WDR7: variants seen among roughly 807,000 people sequenced by gnomAD.
WDR7 encodes WD repeat domain 7, also known as WD repeat-containing protein 7.
WDR7 carries 46 observed loss-of-function variants against 169.4 expected under a neutral mutation model. The observed-to-expected ratio is 0.27, with a 90% CI of 0.21 to 0.35. WDR7 has a LOEUF of 0.35. WDR7 is among the 10% of genes least tolerant of loss of function. WDR7 has a pLI of 1.00. For synonymous variants in WDR7, 612 were observed against 666.8 expected (o/e 0.92, Z 1.27); for missense variants, 1,534 against 1,859.3 (o/e 0.83, Z 3.22).
chr18:56,880,991 T>G (rs1172158042), intron 21 of WDR7, among the ~76,000 whole-genome samples: 2 of 152,196 alleles, frequency 1.3e-5, no homozygotes, highest in Non-Finnish European at 2.9e-5. Flanking sequence ...CACAAAATAT[T>G]CTTGTAGAAC....
chr18:56,817,626 A>G (rs901719730), intron 20 of WDR7, among the ~76,000 whole-genome samples: 12 of 152,284 alleles, frequency 7.9e-5, no homozygotes, highest in African/African-American at 2.4e-4. Flanking sequence ...TTGATGAAAA[A>G]TATTATCCAA....
chr18:56,981,305 A>G (rs1020249595), intron 26 of WDR7, among the ~76,000 whole-genome samples: 1 of 152,176 alleles, frequency 6.6e-6, no homozygotes, highest in African/African-American at 2.4e-5. Context: ...AAGAAAATTA[A>G]TAGTTCAGTT....
chr18:56,996,344 A>G (rs533739186), intron 26 of WDR7, among the ~76,000 whole-genome samples: 1 of 152,274 alleles, frequency 6.6e-6, no homozygotes, highest in Non-Finnish European at 1.5e-5. Flanking sequence ...AATTATAGAG[A>G]GAAGAAATAA....
At chr18:56,935,168 A>T (rs996049620) in intron 22 of WDR7, among the ~76,000 whole-genome samples, 1 of 152,158 alleles carries the variant, frequency 6.6e-6, no homozygotes, top group African/African-American at 2.4e-5. Flanking sequence ...ATATAAACAG[A>T]ATTAGTATCA....
chr18:56,910,342 G>A (rs1279023207), intron 21 of WDR7, among the ~76,000 whole-genome samples: 1 of 152,146 alleles, frequency 6.6e-6, no homozygotes, highest in Non-Finnish European at 1.5e-5. Context: ...TAGAAGCAAT[G>A]TAAAAACTTA....
At chr18:56,796,014 G>A (rs535939760) in intron 19 of WDR7, among the ~76,000 whole-genome samples, 24 of 152,266 alleles carry the variant, frequency 1.6e-4, no homozygotes, top group African/African-American at 5.8e-4. Flanking sequence ...ATTATAATGA[G>A]TTTCTGTACT....
intron 20 of WDR7, among the ~76,000 whole-genome samples, chr18:56,848,138 A>T (rs1244655405): frequency 6.6e-6 from 1 of 152,188 alleles, no homozygotes; most frequent in Non-Finnish European, 1.5e-5. Context: ...AACCACTAGG[A>T]TGGGCCTTGC....
intron 16 of WDR7, among the ~76,000 whole-genome samples, chr18:56,761,868 A>G (rs146724847): frequency 6.6e-6 from 1 of 152,244 alleles, no homozygotes; most frequent in Non-Finnish European, 1.5e-5. Context: ...GAATTCACCT[A>G]TTAATTAAAA....
intron 12 of WDR7, among the ~76,000 whole-genome samples, chr18:56,714,653 A>G (rs2026153525): frequency 6.6e-6 from 1 of 151,996 alleles, no homozygotes; most frequent in African/African-American, 2.4e-5. Context: ...ACCTCAGGTG[A>G]TCCATCCCCC....
At chr18:56,933,277 A>G (rs7343042) in intron 22 of WDR7, among the ~76,000 whole-genome samples, 18,100 of 152,164 alleles carry the variant, frequency 0.12, 3,495 homozygotes, top group African/African-American at 0.4. Flanking sequence ...TCACTACCAC[A>G]CATATTTATG....
At chr18:56,669,382 T>C (rs2025086548) in intron 1 of WDR7, among the ~76,000 whole-genome samples, 1 of 152,110 alleles carries the variant, frequency 6.6e-6, no homozygotes, top group Non-Finnish European at 1.5e-5. Flanking sequence ...AAAGACTGCA[T>C]AACTAGTGAC....
rs2047350904 is a variant in WDR7, at chr18:56,962,451, T to C, written c.4086T>C (p.Tyr1362=). Reference sequence around the variant, plus strand: ...TCAGGTTCTACATGGTCAGCTATTATGAGCGGAATCACAGAATAGCAGTTG... The same window carrying C: ...TCAGGTTCTACATGGTCAGCTATTACGAGCGGAATCACAGAATAGCAGTTG... ...AICRFYMVSY[Y]ERNHRIAVGA... is the part of the protein sequence containing the mutation. The change falls in exon 26 of 28, where the codon TAT becomes TAC. Residue 1362 remains tyrosine (Y), a synonymous_variant. Transcript: ENST00000254442. 6.2e-7 allele frequency: 1 copy of C among 1,613,114 alleles called. No homozygotes were observed. Among genetic ancestry groups the C allele is most frequent in the Non-Finnish European group, 8.5e-7 (1 of 1,179,340 alleles).
At chr18:56,922,857 G>A (rs954437718) in intron 21 of WDR7, among the ~76,000 whole-genome samples, 2 of 151,884 alleles carry the variant, frequency 1.3e-5, no homozygotes, top group Admixed American at 6.6e-5. Context: ...ATATACTTTT[G>A]TTGGTTGGAT....
chr18:56,852,709 A>G (rs2045658618), intron 20 of WDR7, among the ~76,000 whole-genome samples: 1 of 152,136 alleles, frequency 6.6e-6, no homozygotes, highest in Non-Finnish European at 1.5e-5. Context: ...ATTAAATGTA[A>G]AAAAACAAGC....
At position 56,757,219 on chromosome 18, in the gene WDR7, G is replaced by A; in HGVS notation, c.2626G>A (p.Gly876Arg). ...GRKLPASEGVGKGTYGVSRAV... is the reference protein window; with the variant it reads ...GRKLPASEGVRKGTYGVSRAV... ...GAAGCTGCCAGCGTCTGAGGGAGTA[G>A]GAAAGGGAACTTACGGAGTGTCCCG... is the stretch of plus-strand genomic sequence containing the variant. Residue 876 changes from glycine (G) to arginine (R), a missense_variant, in exon 15 of 28, where the codon GGA becomes AGA. By Grantham distance (125) the Gly-to-Arg change is moderately radical. Transcript: ENST00000254442. 2.5e-6 allele frequency: 4 copies of A among 1,614,088 alleles called. No individual in the cohort carries two copies. The South Asian group carries it at 3.3e-5, about 13-fold the overall frequency.
rs2048281598 is a variant in WDR7, at chr18:57,020,989, T to C, written c.4269+140T>C. 3 of 695,024 alleles carry C rather than the reference T, an allele frequency of 4.3e-6. No individual in the cohort carries two copies. The South Asian group carries it at 5.5e-5, about 13-fold the overall frequency. 43.1% of individuals were successfully genotyped at this position (695,024 alleles called of 1,614,324 possible). ...GCAGCAAACATCCAGTCTGTATTGA[T>C]TGCTGATGATGTGCCAGGCACTAGC... is the stretch of plus-strand genomic sequence containing the variant. On this transcript the variant is annotated intron_variant, in intron 27 of 27. Transcript: ENST00000254442.
Position 56,816,144 on chromosome 18 carries a change from G to A in WDR7, c.3304G>A (p.Gly1102Ser), listed in dbSNP as rs1458882577. The A allele has an allele frequency of 1.2e-6, 2 of 1,607,924 alleles. No individual in the cohort carries two copies. The change falls in exon 20 of 28, where the codon GGT becomes AGT. Residue 1102 changes from glycine to serine, a missense_variant and splice_region_variant. Gly to Ser is a moderately conservative substitution (Grantham distance 56). Coordinates refer to ENST00000254442, the MANE Select transcript of WDR7 (RefSeq NM_015285.3). ...HDLVDDDITT[G>S]CLSSVPQMKK... ...CCTTGTTGACGATGACATCACCACT[G>A]GTAAGCACAGACATCTTTAACGTCT... is the stretch of plus-strand genomic sequence containing the variant.
At chr18:56,946,509 T>C (rs765168638) in intron 25 of WDR7, among the ~76,000 whole-genome samples, 2 of 152,224 alleles carry the variant, frequency 1.3e-5, no homozygotes, top group African/African-American at 2.4e-5. Context: ...ATTTTAAAAT[T>C]TGCCTTGGGC....
intron 19 of WDR7, among the ~76,000 whole-genome samples, chr18:56,808,412 T>C (rs1351439312): frequency 6.6e-6 from 1 of 152,174 alleles, no homozygotes; most frequent in Admixed American, 6.5e-5. Context: ...TTTTTCAATC[T>C]CAGTGGAAAT....
Sources: allele counts gnomAD v4.1 joint callset (sites outside exome capture counted in the v4.1 genomes callset), GRCh38; gene constraint gnomAD v4.1.1; transcripts MANE v1.5; gene names NCBI Gene and HGNC (gene_info 2026-07-23, HGNC 2026-07-21).